Variants in EPHA3 observed in about 807,000 individuals in gnomAD.
EPHA3 encodes EPH receptor A3.
A neutral mutation model predicts 107.1 loss-of-function variants in EPHA3; 42 were observed. That is an observed-to-expected ratio of 0.39 (90% CI 0.31 to 0.51). EPHA3 has a LOEUF of 0.51. Among genes scored for constraint, EPHA3 ranks in the 20% least tolerant of loss-of-function variants. The probability of loss-of-function intolerance (pLI) is 0.78; values close to 1 mark genes in which losing one functional copy is unlikely to be tolerated. For missense variants in EPHA3, 1,183 were observed against 1,211.2 expected (o/e 0.98, Z 0.35); for synonymous variants, 461 against 424.8 (o/e 1.09, Z -1.05).
intron 2 of EPHA3, among the ~76,000 whole-genome samples, chr3:89,208,635 C>T (rs1008730228): frequency 1.3e-5 from 2 of 151,244 alleles, no homozygotes; most frequent in African/African-American, 4.9e-5. Context: ...GGGAAGATTC[C>T]ACAAGTTCCA....
chr3:89,469,182 A>G (rs1912965), intron 15 of EPHA3, among the ~76,000 whole-genome samples: 34,203 of 152,114 alleles, frequency 0.22, 4,149 homozygotes, highest in Non-Finnish European at 0.25. Flanking sequence ...TTGTGAAGTA[A>G]AAAGGATTGA....
intron 9 of EPHA3, among the ~76,000 whole-genome samples, chr3:89,412,680 G>A (rs1453269893): frequency 6.6e-6 from 1 of 151,602 alleles, no homozygotes; most frequent in Non-Finnish European, 1.5e-5. Context: ...ATCTATAATT[G>A]CAGCCATTAT....
chr3:89,472,804 T>C (rs1288998336), intron 16 of EPHA3, among the ~76,000 whole-genome samples, 185 bp downstream of exon 16: 2 of 152,138 alleles, frequency 1.3e-5, no homozygotes, highest in South Asian at 2.1e-4. Context: ...AGCTTCTGGA[T>C]TGATACATAT....
At chr3:89,391,412 C>CT (rs370872833) in intron 5 of EPHA3, among the ~76,000 whole-genome samples, 1,666 of 124,102 alleles carry the variant, frequency 0.013, 28 homozygotes, top group Admixed American at 0.024. Flanking sequence ...CTTTTCTTTT[C>CT]TTTCTTTTCT....
At chr3:89,161,815 A>G (rs1375638685) in intron 2 of EPHA3, among the ~76,000 whole-genome samples, 1 of 151,866 alleles carries the variant, frequency 6.6e-6, no homozygotes, top group Admixed American at 6.6e-5. Flanking sequence ...TGTCTCTATG[A>G]AAAGATATAA....
intron 3 of EPHA3, among the ~76,000 whole-genome samples, chr3:89,247,517 G>A (rs1207277486): frequency 6.6e-5 from 10 of 152,160 alleles, no homozygotes; most frequent in African/African-American, 2.2e-4. Context: ...AAGAAATTGT[G>A]ATGGGTTTAT....
At chr3:89,437,380 C>G (rs1346074589) in intron 13 of EPHA3, among the ~76,000 whole-genome samples, 9 of 151,854 alleles carry the variant, frequency 5.9e-5, no homozygotes, top group Non-Finnish European at 1.3e-4. Flanking sequence ...TATGATTAGA[C>G]CATTTAGCTC....
At chr3:89,160,548 T>TTGTGTG (rs1164056787) in intron 2 of EPHA3, among the ~76,000 whole-genome samples, 26 of 120,536 alleles carry the variant, frequency 2.2e-4, no homozygotes, top group African/African-American at 9.2e-4. Flanking sequence ...ATATTAGATT[T>TTGTGTG]TGTGTGTGTG....
At chr3:89,367,767 TA>T (rs1401408423) in intron 5 of EPHA3, among the ~76,000 whole-genome samples, 1 of 150,312 alleles carries the variant, frequency 6.7e-6, no homozygotes, top group Non-Finnish European at 1.5e-5. Flanking sequence ...TGCATGTGTT[TA>T]AAATTTTTTA....
rs541093128 is a variant in EPHA3, at chr3:89,328,176, C to T, written c.815-12740C>T. Among the ~76,000 whole-genome samples the T allele has an allele frequency of 4.6e-5, 7 of 152,172 alleles. No individual in the cohort carries two copies. In the South Asian group the frequency reaches 1.2e-3, roughly 27 times the overall value. On this transcript the variant is annotated intron_variant, in intron 3 of 16. Transcript: ENST00000336596. ...CACTTTATTACTTTATTCTGTCAGA[C>T]GTTAAGCACACTCCACTAATTTTGG...
At chr3:89,264,430 C>A (rs1705489670) in intron 3 of EPHA3, among the ~76,000 whole-genome samples, 1 of 152,130 alleles carries the variant, frequency 6.6e-6, no homozygotes, top group Non-Finnish European at 1.5e-5. Context: ...CCCTGTCCTA[C>A]GTTCTCTTCC....
chr3:89,238,873 G>T (rs763311693), intron 3 of EPHA3, among the ~76,000 whole-genome samples: 1 of 152,030 alleles, frequency 6.6e-6, no homozygotes. Flanking sequence ...ATATTTTAGG[G>T]GGAAAGAAAG....
intron 10 of EPHA3, among the ~76,000 whole-genome samples, chr3:89,415,310 T>C (rs1709224169): frequency 6.6e-6 from 1 of 150,748 alleles, no homozygotes; most frequent in Non-Finnish European, 1.5e-5. Context: ...GGTATATACA[T>C]TTACCTACTT....
chr3:89,191,139 G>C (rs950460841), intron 2 of EPHA3, among the ~76,000 whole-genome samples: 2 of 152,010 alleles, frequency 1.3e-5, no homozygotes, highest in Non-Finnish European at 2.9e-5. Flanking sequence ...TATTATGCTA[G>C]CTTAGAAGAC....
intron 2 of EPHA3, among the ~76,000 whole-genome samples, chr3:89,165,420 A>G (rs1705040270): frequency 6.6e-6 from 1 of 152,228 alleles, no homozygotes; most frequent in African/African-American, 2.4e-5. Flanking sequence ...AATGCAATGC[A>G]ATGCAAATAT....
chr3:89,390,076 C>T (rs1708693680), intron 5 of EPHA3, among the ~76,000 whole-genome samples: 2 of 152,138 alleles, frequency 1.3e-5, no homozygotes. Flanking sequence ...ATTGTAACCT[C>T]CACCTCCAGG....
At position 89,382,544 on chromosome 3, in the gene EPHA3, A is replaced by C. The variant is rs575287487; in HGVS notation, c.1307-13293A>C. 2.6e-5 allele frequency among the ~76,000 whole-genome samples: 4 copies of C among 152,086 alleles called. No individual in the cohort carries two copies. The South Asian group carries it at 8.3e-4, about 32-fold the overall frequency. On this transcript the variant is annotated intron_variant, in intron 5 of 16. Transcript: ENST00000336596. ...AAAAAAAGAGAATATTCCATGTCAC[A>C]TAATGCCACAAAGAGAAGCACCAGG...
intron 3 of EPHA3, among the ~76,000 whole-genome samples, chr3:89,329,440 T>C (rs1707242600): frequency 6.6e-6 from 1 of 152,160 alleles, no homozygotes; most frequent in Non-Finnish European, 1.5e-5. Context: ...CAGTTATTTA[T>C]ACTATGAGTG....
At chr3:89,262,842 TGCAGGA>T (rs1176244497) in intron 3 of EPHA3, among the ~76,000 whole-genome samples, 1 of 151,658 alleles carries the variant, frequency 6.6e-6, no homozygotes, top group East Asian at 2.0e-4. Flanking sequence ...GGTGAGTGGG[TGCAGGA>T]GCCACAGCAA....
Sources: allele counts gnomAD v4.1 joint callset (sites outside exome capture counted in the v4.1 genomes callset), GRCh38; gene constraint gnomAD v4.1.1; transcripts MANE v1.5; gene names NCBI Gene and HGNC (gene_info 2026-07-23, HGNC 2026-07-21).